GTF2IRD1: variants seen among roughly 807,000 people sequenced by gnomAD.
The protein encoded by GTF2IRD1 is general transcription factor II-I repeat domain-containing protein 1.
In GTF2IRD1, 26 loss-of-function variants were observed where a neutral mutation model predicts 113.2. The ratio of observed to expected loss-of-function variants is 0.23; its 90% CI spans 0.17 to 0.32. GTF2IRD1 has a LOEUF of 0.32. GTF2IRD1 is among the 10% of genes least tolerant of loss of function. The pLI is 1.00. For synonymous variants in GTF2IRD1, 484 were observed against 529.1 expected, an observed-to-expected ratio of 0.91 and a Z score of 1.17; for missense variants, 864 against 1,280.8, an observed-to-expected ratio of 0.67 and a Z score of 4.97.
intron 1 of GTF2IRD1, chr7:74,487,286 C>T (rs1270130022): frequency 6.6e-6 from 1 of 152,252 alleles, no homozygotes; most frequent in East Asian, 1.9e-4. Context: ...TATCGACCGC[C>T]TCGGCCTCCC....
chr7:74,565,841 G>T (rs1456262340), intron 22 of GTF2IRD1, among the ~76,000 whole-genome samples: 1 of 151,982 alleles, frequency 6.6e-6, no homozygotes, highest in African/African-American at 2.4e-5. Flanking sequence ...GGGCATGGTG[G>T]TGGGTGGTGG....
intron 1 of GTF2IRD1, among the ~76,000 whole-genome samples, chr7:74,473,239 G>A (rs1794208151): frequency 6.6e-6 from 1 of 152,206 alleles, no homozygotes; most frequent in Non-Finnish European, 1.5e-5. Context: ...AGGACCCCAG[G>A]AGAACCTGGT....
intron 15 of GTF2IRD1, 132 bp from the exon 16 acceptor site, chr7:74,545,612 C>A: frequency 1.5e-6 from 1 of 685,374 alleles, no homozygotes; most frequent in Non-Finnish European, 2.7e-6. Context: ...AATAAGTTAC[C>A]CACCGCCCCA....
intron 1 of GTF2IRD1, among the ~76,000 whole-genome samples, chr7:74,500,507 C>T (rs934785477): frequency 6.6e-5 from 10 of 151,732 alleles, no homozygotes; most frequent in Non-Finnish European, 1.3e-4. Context: ...TTTGGTTCAA[C>T]CCCAAGCCAG....
intron 24 of GTF2IRD1, among the ~76,000 whole-genome samples, chr7:74,592,541 T>TC (rs1802127010): frequency 6.8e-6 from 1 of 146,516 alleles, no homozygotes; most frequent in Non-Finnish European, 1.5e-5. Flanking sequence ...CTTTCTTTCT[T>TC]TTTTTTTTTT....
intron 22 of GTF2IRD1, among the ~76,000 whole-genome samples, chr7:74,585,387 A>G (rs587629874): frequency 6.6e-6 from 1 of 152,122 alleles, no homozygotes; most frequent in African/African-American, 2.4e-5. Flanking sequence ...TGCTGGGATT[A>G]TAGGCGTGAG....
intron 1 of GTF2IRD1, among the ~76,000 whole-genome samples, chr7:74,503,311 A>G (rs1428874119): frequency 6.6e-6 from 1 of 152,138 alleles, no homozygotes; most frequent in African/African-American, 2.4e-5. Context: ...AGGTGGGCGG[A>G]GCAAAATCGG....
chr7:74,550,632 G>C (rs1799253264), intron 17 of GTF2IRD1, among the ~76,000 whole-genome samples: 1 of 151,640 alleles, frequency 6.6e-6, no homozygotes, highest in Non-Finnish European at 1.5e-5. Flanking sequence ...TTCCGTCCAG[G>C]CGTGATGGCT....
chr7:74,586,407 C>A (rs1801721608), intron 22 of GTF2IRD1, among the ~76,000 whole-genome samples: 1 of 152,144 alleles, frequency 6.6e-6, no homozygotes, highest in Admixed American at 6.6e-5. Flanking sequence ...AGAGGCATTA[C>A]TCCACGAGAT....
At chr7:74,530,284 G>T (rs940955961) in intron 9 of GTF2IRD1, among the ~76,000 whole-genome samples, 55 of 152,206 alleles carry the variant, frequency 3.6e-4, no homozygotes, top group African/African-American at 1.3e-3. Context: ...GGGTTTTGGG[G>T]CATGTGGGCT....
Position 74,555,745 on chromosome 7 carries a change from C to T in GTF2IRD1, c.2023+251C>T, listed in dbSNP as rs1369411335. Among the ~76,000 whole-genome samples, 2 of 152,134 alleles carry T rather than the reference C, an allele frequency of 1.3e-5. No individual in the cohort carries two copies. The highest frequency in any genetic ancestry group is 1.3e-4 in the Admixed American group (2 of 15,256). ...CAGGAGCCTGCCTGCCCCCTCCCTGCCCCACCCCCCAGAGGTAGCTGACAC... is the reference window on the plus strand; with the variant it reads ...CAGGAGCCTGCCTGCCCCCTCCCTGTCCCACCCCCCAGAGGTAGCTGACAC... On this transcript the variant is annotated intron_variant, in intron 19 of 26. Transcript: ENST00000424337. The surrounding 1 kb of genome is among the most constrained non-coding windows in gnomAD (Gnocchi z 5.3).
chr7:74,499,943 C>T (rs556295455), intron 1 of GTF2IRD1, among the ~76,000 whole-genome samples: 22 of 152,238 alleles, frequency 1.4e-4, no homozygotes, highest in African/African-American at 5.3e-4. Flanking sequence ...TGAATGAATA[C>T]ACACAAAGGA....
chr7:74,514,775 G>A (rs889591338), intron 3 of GTF2IRD1, among the ~76,000 whole-genome samples: 3 of 151,904 alleles, frequency 2.0e-5, no homozygotes, highest in South Asian at 2.1e-4. Flanking sequence ...GACAGTGTTC[G>A]TGTCAGAGCA....
chr7:74,454,065 C>T lies in GTF2IRD1; in HGVS notation c.-118C>T, dbSNP rs1242099010. ...CCGCCGTCCTCGCCTCCCTCTGCCT[C>T]TCCTTCCCCCATTCTCCCGGATTAA... On this transcript the variant is annotated 5_prime_UTR_variant, in exon 1 of 27. Coordinates refer to ENST00000424337, the MANE Select transcript of GTF2IRD1 (RefSeq NM_005685.4). 2 of 151,382 alleles carry T rather than the reference C, an allele frequency of 1.3e-5. No individual in the cohort carries two copies. The highest frequency in any genetic ancestry group is 3.0e-5 in the Non-Finnish European group (2 of 67,706). The allele number at this position is 151,382 out of a possible 1,614,324, so 9.4% of individuals were successfully genotyped here.
chr7:74,534,853 A>G (rs1798197561), intron 9 of GTF2IRD1, among the ~76,000 whole-genome samples: 2 of 152,152 alleles, frequency 1.3e-5, no homozygotes, highest in Non-Finnish European at 2.9e-5. Context: ...CCGTGAGCCA[A>G]GATCGCACCA....
chr7:74,474,372 G>A (rs1584474280), intron 1 of GTF2IRD1, among the ~76,000 whole-genome samples: 1 of 152,238 alleles, frequency 6.6e-6, no homozygotes, highest in African/African-American at 2.4e-5. Flanking sequence ...CTCTAGCAGG[G>A]CAGGCAGAAA....
intron 17 of GTF2IRD1, among the ~76,000 whole-genome samples, chr7:74,551,877 A>G (rs1799328992): frequency 6.6e-6 from 1 of 152,112 alleles, no homozygotes; most frequent in African/African-American, 2.4e-5. Context: ...TGGAGGTTGC[A>G]GTGAGCCGAG....
intron 1 of GTF2IRD1, among the ~76,000 whole-genome samples, chr7:74,486,285 A>G (rs574403990): frequency 6.6e-6 from 1 of 152,212 alleles, no homozygotes; most frequent in East Asian, 1.9e-4. Flanking sequence ...ACAGAGGCTT[A>G]GGAGAGAGGG....
intron 22 of GTF2IRD1, among the ~76,000 whole-genome samples, chr7:74,563,183 GGA>G (rs1800084137): frequency 6.8e-6 from 1 of 147,482 alleles, no homozygotes; most frequent in Admixed American, 6.7e-5. Context: ...TGCAAAGATG[GGA>G]GAGTGGAAAC....
Sources: gnomAD v4.1 joint callset for allele counts (sites outside exome capture counted in the v4.1 genomes callset) on GRCh38, gnomAD v4.1.1 for gene constraint, Gnocchi (gnomAD v3.1) non-coding constraint, MANE v1.5 for transcripts, NCBI Gene and HGNC (gene_info 2026-07-23, HGNC 2026-07-21) for gene names.